Variants in CRTAC1 observed in about 807,000 individuals in gnomAD.
The protein encoded by CRTAC1 is cartilage acidic protein 1.
In CRTAC1, 37 loss-of-function variants were observed where a neutral mutation model predicts 67.8. The observed-to-expected ratio is 0.55, with a 90% CI of 0.42 to 0.72. The LOEUF is 0.72. Among genes scored for constraint, CRTAC1 ranks in the 30% least tolerant of loss-of-function variants. The pLI is 0.00. For synonymous variants in CRTAC1, 348 were observed against 371.0 expected (o/e 0.94, Z 0.71); for missense variants, 780 against 931.6 (o/e 0.84, Z 2.12).
chr10:97,977,735 G>A (rs1347901740), intron 2 of CRTAC1, among the ~76,000 whole-genome samples: 1 of 152,098 alleles, frequency 6.6e-6, no homozygotes, highest in African/African-American at 2.4e-5. Flanking sequence ...TTATGGAGTT[G>A]GTTTTTGCTA....
intron 14 of CRTAC1, chr10:97,878,465 A>G (rs1248764166): frequency 3.9e-6 from 2 of 519,092 alleles, no homozygotes; most frequent in Admixed American, 5.0e-5. Context: ...TTTTTGTTGA[A>G]TATGTTTTTA....
intron 2 of CRTAC1, among the ~76,000 whole-genome samples, chr10:97,959,764 C>T (rs1210589845): frequency 2.0e-5 from 3 of 152,176 alleles, no homozygotes; most frequent in Non-Finnish European, 2.9e-5. Flanking sequence ...TAATAAAACC[C>T]CATGTCTCAT....
chr10:98,010,041 C>CT (rs568415966), intron 2 of CRTAC1, among the ~76,000 whole-genome samples: 5,373 of 137,644 alleles, frequency 0.039, 327 homozygotes, highest in African/African-American at 0.13. Flanking sequence ...AATGCACAAT[C>CT]TTTTTTTTTT....
chr10:98,007,380 T>A (rs1842812178), intron 2 of CRTAC1, among the ~76,000 whole-genome samples: 1 of 152,220 alleles, frequency 6.6e-6, no homozygotes, highest in South Asian at 2.1e-4. Context: ...TGACAAATCA[T>A]CCAAAGCTGA....
intron 4 of CRTAC1, among the ~76,000 whole-genome samples, chr10:97,919,038 C>A (rs551276541): frequency 2.7e-5 from 4 of 148,606 alleles, no homozygotes; most frequent in South Asian, 2.2e-4. Flanking sequence ...ACCACCCCCC[C>A]CCGCCTCAGC....
At position 97,904,723 on chromosome 10, in the gene CRTAC1, A is replaced by G. The variant is rs1019784071; in HGVS notation, c.942T>C (p.Asn314=). 1.2e-6 allele frequency: 2 copies of G among 1,603,494 alleles called. No individual in the cohort carries two copies. The highest frequency in any genetic ancestry group is 2.3e-5 in the East Asian group (1 of 44,258). Residue 314 remains asparagine (N), a synonymous_variant, in exon 7 of 15, where the codon AAT becomes AAC. Transcript: ENST00000370597. ...GKVDIVYGNW[N]GPHRLYLQMS... ...TTTGCAGATAGAGGCGGTGGGGGCC[A>G]TTCCAGTTGCCATAGACGATGTCCA...
At chr10:97,968,074 A>T (rs950793641) in intron 2 of CRTAC1, among the ~76,000 whole-genome samples, 5 of 152,210 alleles carry the variant, frequency 3.3e-5, no homozygotes, top group African/African-American at 9.7e-5. Flanking sequence ...GGCTTAAAAA[A>T]TAAATGAAGC....
intron 9 of CRTAC1, 95 bp from the exon 10 acceptor site, chr10:97,896,080 G>T: frequency 9.1e-7 from 1 of 1,103,858 alleles, no homozygotes; most frequent in Non-Finnish European, 1.4e-6. Context: ...AGCCCTGGGC[G>T]TGGGAGCCAG....
chr10:97,962,769 C>T (rs756583791), intron 2 of CRTAC1, among the ~76,000 whole-genome samples: 24 of 149,898 alleles, frequency 1.6e-4, no homozygotes, highest in African/African-American at 3.2e-4. Flanking sequence ...TCTGTCACCG[C>T]GCATTAAATT....
intron 13 of CRTAC1, among the ~76,000 whole-genome samples, chr10:97,882,163 G>A (rs192484909): frequency 2.6e-5 from 4 of 152,320 alleles, no homozygotes; most frequent in African/African-American, 9.6e-5. Context: ...TCCTTGGCCT[G>A]ACCCCTCCTT....
rs563231231 is a variant in CRTAC1, at chr10:97,978,413, CTCTTACA to C, written c.224+32718_224+32724del. Among the ~76,000 whole-genome samples, 34 of 152,240 alleles carry C rather than the reference CTCTTACA, an allele frequency of 2.2e-4. No homozygotes were observed. The South Asian group carries it at 7.1e-3, about 32-fold the overall frequency. Reference sequence around the variant, plus strand: ...AAGAATGGGAATAAATCCCCCTTTCCTCTTACATCTTACATAGTACATCATTACTCCA... The same window carrying C: ...AAGAATGGGAATAAATCCCCCTTTCCTCTTACATAGTACATCATTACTCCA... On this transcript the variant is annotated intron_variant, in intron 2 of 14. Coordinates refer to ENST00000370597, the MANE Select transcript of CRTAC1 (RefSeq NM_018058.7).
rs765528825 is a variant in CRTAC1, at chr10:97,896,937, G to T, written c.1188C>A (p.Asp396Glu). 14 of 1,559,750 alleles carry T rather than the reference G, an allele frequency of 9.0e-6. No homozygotes were observed. In the African/African-American group the frequency reaches 1.1e-4, roughly 12 times the overall value. Residue 396 changes from aspartate (D) to glutamate (E), a missense_variant, in exon 9 of 15, where the codon GAC becomes GAA. Physicochemically the swap from Asp to Glu is conservative, Grantham distance 45 (BLOSUM62 2). Coordinates refer to ENST00000370597, the MANE Select transcript of CRTAC1 (RefSeq NM_018058.7). ...DPLIEELNPG[D>E]ALEPEGRGTG... ...TGCCCCGGCCCTCAGGCTCCAAGGC[G>T]TCGCCGGGATTGAGCTCCTCGATGA...
chr10:97,939,717 A>T (rs2051144098), intron 2 of CRTAC1, among the ~76,000 whole-genome samples: 1 of 151,894 alleles, frequency 6.6e-6, no homozygotes, highest in Middle Eastern at 3.2e-3. Context: ...CCATCCCCTG[A>T]GTGTGCTCTG....
At chr10:98,005,100 A>ATATTTTTTTT in intron 2 of CRTAC1, among the ~76,000 whole-genome samples, 12 of 48,882 alleles carry the variant, frequency 2.5e-4, no homozygotes, top group African/African-American at 1.2e-3. Flanking sequence ...ATATATATAT[A>ATATTTTTTTT]TTTTTTTTTT....
chr10:97,988,684 C>T (rs1263329598), intron 2 of CRTAC1, among the ~76,000 whole-genome samples: 5 of 152,206 alleles, frequency 3.3e-5, no homozygotes, highest in Non-Finnish European at 7.3e-5. Context: ...CACATCATTG[C>T]ACTCCAGCCT....
chr10:97,961,172 A>AGG (rs1178863046), intron 2 of CRTAC1, among the ~76,000 whole-genome samples: 2 of 152,096 alleles, frequency 1.3e-5, no homozygotes, highest in East Asian at 3.9e-4. Context: ...TTTCCTTAAC[A>AGG]GGTTATTGGT....
intron 2 of CRTAC1, among the ~76,000 whole-genome samples, chr10:97,989,402 CAAACTGCCTACTACAT>C (rs1842392499): frequency 6.6e-6 from 1 of 152,180 alleles, no homozygotes; most frequent in Non-Finnish European, 1.5e-5. Flanking sequence ...CTTACTTACA[CAAACTGCCTACTACAT>C]AAACTGCCTA....
chr10:97,907,910 T>A, intron 6 of CRTAC1, 103 bp downstream of exon 6: 1 of 1,300,668 alleles, frequency 7.7e-7, no homozygotes, highest in East Asian at 2.4e-5. Flanking sequence ...CTGCTCTCCC[T>A]CAGCCAGAAG....
In CRTAC1 at chr10:97,882,650, C is replaced by A. The variant is rs1006784891; in HGVS notation, c.1675+136G>T. Reference sequence around the variant, plus strand: ...GGTGGTTGTCTTGGCATCTGGAGTCCCAGGACAAACAACACCCTCCCCTGT... The same window carrying A: ...GGTGGTTGTCTTGGCATCTGGAGTCACAGGACAAACAACACCCTCCCCTGT... On this transcript the variant is annotated intron_variant, in intron 13 of 14. Transcript: ENST00000370597. 15 of 862,384 alleles carry A rather than the reference C, an allele frequency of 1.7e-5. No individual in the cohort carries two copies. In the African/African-American group the frequency reaches 2.2e-4, roughly 12 times the overall value. The allele number at this position is 862,384 out of a possible 1,614,324, so 53.4% of individuals were successfully genotyped here.
Sources: allele counts gnomAD v4.1 joint callset (sites outside exome capture counted in the v4.1 genomes callset), GRCh38; gene constraint gnomAD v4.1.1; transcripts MANE v1.5; gene names NCBI Gene and HGNC (gene_info 2026-07-23, HGNC 2026-07-21).